Variants in FTCDNL1 observed in about 807,000 individuals in gnomAD.
FTCDNL1 encodes the protein formiminotransferase N-terminal subdomain-containing protein.
Under a neutral mutation model 5.9 loss-of-function variants are expected in FTCDNL1, and 11 were observed. The ratio of observed to expected loss-of-function variants is 1.87; its 90% CI spans 1.18 to 3.10. The LOEUF is 3.10. Ranked by LOEUF, FTCDNL1 falls within the 30% of genes most tolerant of loss-of-function variation. The pLI is 0.00. For missense variants in FTCDNL1, 115 were observed against 65.5 expected, an observed-to-expected ratio of 1.76 and a Z score of -2.61; for synonymous variants, 58 against 24.8, an observed-to-expected ratio of 2.34 and a Z score of -3.99.
At chr2:199,749,939 C>T in the FTCDNL1 span, among the ~76,000 whole-genome samples, 1 of 151,772 alleles carries the variant, frequency 6.6e-6, no homozygotes, top group African/African-American at 2.4e-5. Context: ...CAGCGATGGA[C>T]ACCCCATTTA....
chr2:199,762,686 ACT>A (rs1698327057), intron 3 of FTCDNL1, among the ~76,000 whole-genome samples: 1 of 152,202 alleles, frequency 6.6e-6, no homozygotes, highest in Non-Finnish European at 1.5e-5. Flanking sequence ...GATAGTATAC[ACT>A]CTGACTTTCA....
At chr2:199,757,059 A>T (rs549625984), downstream of FTCDNL1, among the ~76,000 whole-genome samples, 7 of 152,356 alleles carry the variant, frequency 4.6e-5, no homozygotes, top group South Asian at 1.5e-3. Context: ...AGGAAAGAAA[A>T]TAGAATAATT....
chr2:199,728,245 T>C, the FTCDNL1 span, among the ~76,000 whole-genome samples: 7 of 151,496 alleles, frequency 4.6e-5, no homozygotes, highest in Non-Finnish European at 1.0e-4. Context: ...AAAACTTCCA[T>C]GGTAACTTTT....
At chr2:199,677,669 T>C in the FTCDNL1 span, among the ~76,000 whole-genome samples, 1 of 152,150 alleles carries the variant, frequency 6.6e-6, no homozygotes, top group Non-Finnish European at 1.5e-5. Context: ...TGAGTTTAGA[T>C]TTTGAAAGAA....
the FTCDNL1 span, among the ~76,000 whole-genome samples, chr2:199,680,877 C>T: frequency 6.6e-6 from 1 of 152,140 alleles, no homozygotes; most frequent in Non-Finnish European, 1.5e-5. Context: ...CCCCTAATAC[C>T]TCTAGTAAAG....
the FTCDNL1 span, among the ~76,000 whole-genome samples, chr2:199,676,430 A>T: frequency 6.6e-6 from 1 of 152,116 alleles, no homozygotes; most frequent in Non-Finnish European, 1.5e-5. Flanking sequence ...ATATATAATC[A>T]AAAATGTTGG....
the FTCDNL1 span, among the ~76,000 whole-genome samples, chr2:199,720,818 G>T: frequency 1.3e-5 from 2 of 151,814 alleles, no homozygotes; most frequent in African/African-American, 4.8e-5. Context: ...AGAAATGGGG[G>T]TAAGCCCCAT....
chr2:199,783,126 T>C (rs1699454842), intron 3 of FTCDNL1, among the ~76,000 whole-genome samples: 1 of 152,224 alleles, frequency 6.6e-6, no homozygotes, highest in African/African-American at 2.4e-5. Context: ...GGAGCCTGGT[T>C]CTGAAGCAGC....
downstream of FTCDNL1, among the ~76,000 whole-genome samples, chr2:199,805,014 G>A (rs1407994643): frequency 6.6e-6 from 1 of 152,176 alleles, no homozygotes; most frequent in Non-Finnish European, 1.5e-5. Context: ...TGAGGAAGGT[G>A]GCACTGCCCA....
chr2:199,728,246 G>A, the FTCDNL1 span, among the ~76,000 whole-genome samples: 4,116 of 151,820 alleles, frequency 0.027, 185 homozygotes, highest in African/African-American at 0.094. Flanking sequence ...AAACTTCCAT[G>A]GTAACTTTTT....
In FTCDNL1 at chr2:199,848,884, C is replaced by T. The variant is rs1305677771; in HGVS notation, c.79G>A (p.Glu27Lys). 1.4e-6 allele frequency: 1 copy of T among 702,300 alleles called. No homozygotes were observed. The highest frequency in any genetic ancestry group is 1.5e-5 in the South Asian group (1 of 67,592). The allele number at this position is 702,300 out of a possible 1,614,324, so 43.5% of individuals were successfully genotyped here. Residue 27 changes from glutamate to lysine, a missense_variant, in exon 2 of 5, where the codon GAG (glutamate) becomes AAG (lysine). Physicochemically the swap from Glu to Lys is moderately conservative, Grantham distance 56. Transcript: ENST00000420128. ...AGAAGAGCTGCTTTTGCTATGTTCT[C>T]AACAATGTATTTTCTTCCGGCTTCT... ...VSEAGRKYIV[E>K]NIAKAALLDK...
At chr2:199,753,205 G>A in the FTCDNL1 span, among the ~76,000 whole-genome samples, 1 of 152,170 alleles carries the variant, frequency 6.6e-6, no homozygotes, top group Admixed American at 6.5e-5. Flanking sequence ...GTTATAAGAG[G>A]TATAAGAGGT....
intron 3 of FTCDNL1, among the ~76,000 whole-genome samples, chr2:199,832,693 G>C (rs1185086714): frequency 6.6e-6 from 1 of 152,038 alleles, no homozygotes; most frequent in Non-Finnish European, 1.5e-5. Flanking sequence ...TCTCTTTATG[G>C]TGAAAGAGAC....
the FTCDNL1 span, among the ~76,000 whole-genome samples, chr2:199,701,601 A>G: frequency 6.6e-6 from 1 of 152,210 alleles, no homozygotes; most frequent in African/African-American, 2.4e-5. Context: ...AATGTTGTAT[A>G]TATACACCAT....
chr2:199,665,651 A>G, the FTCDNL1 span, among the ~76,000 whole-genome samples: 3 of 147,490 alleles, frequency 2.0e-5, no homozygotes, highest in Admixed American at 6.8e-5. Context: ...AAAAAAAAAA[A>G]AAGAATAAAG....
chr2:199,725,421 T>G, the FTCDNL1 span, among the ~76,000 whole-genome samples: 249 of 152,350 alleles, frequency 1.6e-3, 1 homozygote, highest in African/African-American at 5.7e-3. Flanking sequence ...AATTTAATAC[T>G]GTCATCATGA....
At chr2:199,803,346 T>C (rs757941378) in intron 3 of FTCDNL1, among the ~76,000 whole-genome samples, 4 of 152,034 alleles carry the variant, frequency 2.6e-5, no homozygotes, top group Non-Finnish European at 4.4e-5. Flanking sequence ...ACTAACTGGA[T>C]GTACAATTTC....
chr2:199,705,625 T>C, the FTCDNL1 span, among the ~76,000 whole-genome samples: 1 of 152,188 alleles, frequency 6.6e-6, no homozygotes, highest in African/African-American at 2.4e-5. Flanking sequence ...CAATATTGAA[T>C]TGGAGTACTG....
intron 3 of FTCDNL1, among the ~76,000 whole-genome samples, chr2:199,845,451 A>T (rs1461198179): frequency 6.6e-6 from 1 of 152,104 alleles, no homozygotes; most frequent in Non-Finnish European, 1.5e-5. Flanking sequence ...TGTGCCTGTA[A>T]TTCCAGCTAC....
Sources: allele counts gnomAD v4.1 joint callset (sites outside exome capture counted in the v4.1 genomes callset), GRCh38; gene constraint gnomAD v4.1.1; transcripts MANE v1.5; gene names NCBI Gene and HGNC (gene_info 2026-07-23, HGNC 2026-07-21).